Variants in SLC35A3 observed in about 807,000 individuals in gnomAD.
The protein encoded by SLC35A3 is UDP-N-acetylglucosamine transporter.
A neutral mutation model predicts 39.0 loss-of-function variants in SLC35A3; 26 were observed. That is an observed-to-expected ratio of 0.67 (90% CI 0.49 to 0.92). SLC35A3 has a LOEUF of 0.92. Ranked by LOEUF, SLC35A3 falls within the 40% of genes least tolerant of loss-of-function variation. The pLI, the probability that SLC35A3 is intolerant of heterozygous loss-of-function variation, is 0.00. For missense variants in SLC35A3, 299 were observed against 371.6 expected, an observed-to-expected ratio of 0.80 and a Z score of 1.61; for synonymous variants, 135 against 133.1, an observed-to-expected ratio of 1.01 and a Z score of -0.10.
intron 2 of SLC35A3, among the ~76,000 whole-genome samples, chr1:99,996,188 C>G (rs1658387839): frequency 6.6e-6 from 1 of 151,726 alleles, no homozygotes; most frequent in Admixed American, 6.6e-5. Flanking sequence ...ACAAAAGGTA[C>G]AAATAAGACA....
At position 100,030,159 on chromosome 1, in the gene SLC35A3, A is replaced by G. The variant is rs991813494; in HGVS notation, c.*7683A>G. On this transcript the variant is annotated 3_prime_UTR_variant, in exon 8 of 8. Coordinates refer to ENST00000533028, the MANE Select transcript of SLC35A3 (RefSeq NM_012243.3). ...CTGAGAATCAGGTGTTTTTCGTTTA[A>G]TGCATTTATTTTCATTCATTCATTT... 6.6e-6 allele frequency: 1 copy of G among 152,168 alleles called. No individual in the cohort carries two copies. Among genetic ancestry groups the G allele is most frequent in the Non-Finnish European group, 1.5e-5 (1 of 68,018 alleles). The allele number at this position is 152,168 out of a possible 1,614,324, so 9.4% of individuals were successfully genotyped here.
At chr1:100,000,205 C>T (rs1029185350) in intron 3 of SLC35A3, among the ~76,000 whole-genome samples, 3 of 152,104 alleles carry the variant, frequency 2.0e-5, no homozygotes, top group Admixed American at 2.0e-4. Flanking sequence ...CAACAATGTA[C>T]AAGAGCTCCT....
intron 5 of SLC35A3, among the ~76,000 whole-genome samples, chr1:100,014,784 A>G (rs1406864101): frequency 6.6e-6 from 1 of 152,130 alleles, no homozygotes; most frequent in East Asian, 1.9e-4. Flanking sequence ...TTTTACATTT[A>G]TATGTCTTTG....
chr1:100,026,427 C>T lies in SLC35A3; in HGVS notation c.*3951C>T, dbSNP rs1213709276. 6.6e-6 allele frequency: 1 copy of T among 152,170 alleles called. No homozygotes were observed. The highest frequency in any genetic ancestry group is 1.5e-5 in the Non-Finnish European group (1 of 68,014). 9.4% of individuals were successfully genotyped at this position (152,170 alleles called of 1,614,324 possible). On this transcript the variant is annotated 3_prime_UTR_variant, in exon 8 of 8. Coordinates refer to ENST00000533028, the MANE Select transcript of SLC35A3 (RefSeq NM_012243.3). ...TCAAAATCTGGTCCTATGTGCCTTG[C>T]TTTACCAAATACCTGATTTTTCTGG...
In SLC35A3 at chr1:100,024,947, TG is replaced by T. The variant is rs1660823422; in HGVS notation, c.*2472del. 4 of 328,484 alleles carry T rather than the reference TG, an allele frequency of 1.2e-5. No individual in the cohort carries two copies. The highest frequency in any genetic ancestry group is 2.2e-5 in the Non-Finnish European group (4 of 183,170). 20.3% of individuals were successfully genotyped at this position (328,484 alleles called of 1,614,324 possible). On this transcript the variant is annotated 3_prime_UTR_variant, in exon 8 of 8. Transcript: ENST00000533028. ...CTAACGTGAACTGGCAGTGTTACCT[TG>T]CTTTTGCAGTAATAGTCTACAGATT...
rs1658223969 is a variant in SLC35A3 at position 99,993,675 on chromosome 1, A to G, written c.121A>G (p.Thr41Ala). 6.8e-6 allele frequency: 11 copies of G among 1,614,082 alleles called. No homozygotes were observed. Among genetic ancestry groups the G allele is most frequent in the Non-Finnish European group, 9.3e-6 (11 of 1,179,958 alleles). Residue 41 changes from threonine (T) to alanine (A), a missense_variant, in exon 2 of 8, where the codon ACA becomes GCA. By Grantham distance (58) the Thr-to-Ala change is moderately conservative (BLOSUM62 0). Coordinates refer to ENST00000533028, the MANE Select transcript of SLC35A3 (RefSeq NM_012243.3). ...AGAAGGACCTCGTTATCTATCTTCT[A>G]CAGCAGTGGTTGTTGCTGAACTTTT... ...KEEGPRYLSS[T>A]AVVVAELLKI... is the part of the protein sequence containing the mutation.
chr1:99,971,090 A>G (rs769226458), intron 1 of SLC35A3, among the ~76,000 whole-genome samples: 53 of 152,236 alleles, frequency 3.5e-4, no homozygotes, highest in Non-Finnish European at 6.2e-4. Context: ...GCACCCTTCC[A>G]GTCACTTGCC....
At chr1:99,974,052 G>A (rs978773226) in intron 1 of SLC35A3, among the ~76,000 whole-genome samples, 2 of 150,756 alleles carry the variant, frequency 1.3e-5, no homozygotes, top group Non-Finnish European at 2.9e-5. Context: ...AAACTTTGAA[G>A]TCATGTCAGA....
rs1324824634 is a variant in SLC35A3, at chr1:100,023,915, G to A, written c.*1439G>A. 1 of 152,106 alleles carries A rather than the reference G, an allele frequency of 6.6e-6. No individual in the cohort carries two copies. Among genetic ancestry groups the A allele is most frequent in the East Asian group, 1.9e-4 (1 of 5,178 alleles). 9.4% of individuals were successfully genotyped at this position (152,106 alleles called of 1,614,324 possible). ...CCAGCTACTCGGGAGACTGAGGCAG[G>A]AGAATCACTTGAACCCGGGAGGCAG... On this transcript the variant is annotated 3_prime_UTR_variant, in exon 8 of 8. Transcript: ENST00000533028.
At chr1:99,995,349 C>A (rs1658344092) in intron 2 of SLC35A3, among the ~76,000 whole-genome samples, 1 of 151,926 alleles carries the variant, frequency 6.6e-6, no homozygotes, top group Non-Finnish European at 1.5e-5. Flanking sequence ...GATGAGGTTT[C>A]ACCAGGTTGG....
chr1:100,012,189 C>A (rs1166960267), intron 5 of SLC35A3, among the ~76,000 whole-genome samples: 1 of 151,966 alleles, frequency 6.6e-6, no homozygotes, highest in Non-Finnish European at 1.5e-5. Flanking sequence ...GAGGCTGAGG[C>A]AGGACAATTG....
intron 1 of SLC35A3, among the ~76,000 whole-genome samples, chr1:99,974,014 C>CA (rs1251803858): frequency 0.14 from 9,403 of 67,418 alleles, 661 homozygotes; most frequent in African/African-American, 0.24. Context: ...GACTCCATCT[C>CA]AAAAAAAAAA....
At chr1:100,022,035 A>G (rs1570632426) in intron 7 of SLC35A3, among the ~76,000 whole-genome samples, 1 of 152,240 alleles carries the variant, frequency 6.6e-6, no homozygotes, top group Non-Finnish European at 1.5e-5. Flanking sequence ...GGAAGACAGT[A>G]TAGTGCAGTC....
chr1:99,996,554 T>C (rs578062559), intron 2 of SLC35A3, among the ~76,000 whole-genome samples: 1 of 152,266 alleles, frequency 6.6e-6, no homozygotes, highest in East Asian at 1.9e-4. Flanking sequence ...ATACCAGGAA[T>C]TGGTGATTAT....
intron 3 of SLC35A3, among the ~76,000 whole-genome samples, chr1:100,001,941 T>C (rs1172772751): frequency 6.6e-6 from 1 of 152,216 alleles, no homozygotes; most frequent in Non-Finnish European, 1.5e-5. Flanking sequence ...CTTTGCATCC[T>C]TGGGATAAAT....
At position 100,024,704 on chromosome 1, in the gene SLC35A3, C is replaced by T; in HGVS notation, c.*2228C>T. 1 of 394,850 alleles carries T rather than the reference C, an allele frequency of 2.5e-6. No individual in the cohort carries two copies. Among genetic ancestry groups the T allele is most frequent in the Non-Finnish European group, 4.5e-6 (1 of 224,684 alleles). 24.5% of individuals were successfully genotyped at this position (394,850 alleles called of 1,614,324 possible). ...CGCGATCTCGGCTTACTGCAACCTC[C>T]CACTCCCTGGTTCAAGGGATTCTCC... On this transcript the variant is annotated 3_prime_UTR_variant, in exon 8 of 8. Coordinates refer to ENST00000533028, the MANE Select transcript of SLC35A3 (RefSeq NM_012243.3).
chr1:100,007,508 C>G (rs1468087042), intron 4 of SLC35A3: 1 of 163,944 alleles, frequency 6.1e-6, no homozygotes, highest in East Asian at 1.8e-4. Context: ...CCATTTTTTC[C>G]TGGTTCTTTT....
intron 1 of SLC35A3, 111 bp from the exon 2 acceptor site, chr1:99,993,426 G>C (rs958788947): frequency 1.3e-6 from 1 of 771,346 alleles, no homozygotes; most frequent in African/African-American, 1.8e-5. Context: ...TTGGTGGCAG[G>C]TGGAGGAGAG....
chr1:100,032,381 A>G lies in SLC35A3; in HGVS notation c.*9905A>G, dbSNP rs1661286562. The stretch of plus-strand genomic sequence containing the variant: ...AGTTTATATTCTTTTTTAAAATAAA[A>G]AAGTATATTTCCCTCCTGTTTCTCT... On this transcript the variant is annotated 3_prime_UTR_variant, in exon 8 of 8. Transcript: ENST00000533028. 1 of 152,154 alleles carries G rather than the reference A, an allele frequency of 6.6e-6. No homozygotes were observed. The highest frequency in any genetic ancestry group is 1.5e-5 in the Non-Finnish European group (1 of 68,040). The allele number at this position is 152,154 out of a possible 1,614,324, so 9.4% of individuals were successfully genotyped here.
Sources: gnomAD v4.1 joint callset for allele counts (sites outside exome capture counted in the v4.1 genomes callset) on GRCh38, gnomAD v4.1.1 for gene constraint, MANE v1.5 for transcripts, NCBI Gene and HGNC (gene_info 2026-07-23, HGNC 2026-07-21) for gene names.